DRC12: variants seen among roughly 807,000 people sequenced by gnomAD.
The protein encoded by DRC12 is dynein regulatory complex protein 12.
At chr11:119,194,970 C>T in the DRC12 span, 9 of 1,551,412 alleles carry the variant, frequency 5.8e-6, no homozygotes, top group Middle Eastern at 1.7e-4. Context: ...CAGCCTGTGC[C>T]TGGACTCGGC....
At chr11:119,193,573 GC>G in the DRC12 span, 1 of 1,433,510 alleles carries the variant, frequency 7.0e-7, no homozygotes. Flanking sequence ...GAAGGCCCCT[GC>G]CTGGGATCCC....
chr11:119,190,708 A>G, the DRC12 span: 4 of 1,612,892 alleles, frequency 2.5e-6, no homozygotes, highest in Middle Eastern at 1.6e-4. This position sits in a 1 kb window ranked among gnomAD's most constrained non-coding sequence, Gnocchi z 4.2. Flanking sequence ...GGTGGTGCTT[A>G]CGTGTAAGAT....
chr11:119,195,469 C>G, the DRC12 span: 12 of 1,551,420 alleles, frequency 7.7e-6, no homozygotes, highest in Admixed American at 3.9e-5. Context: ...TTCCCTTTTT[C>G]TTTGTTTTTA....
chr11:119,195,212 G>A, the DRC12 span: 16 of 630,644 alleles, frequency 2.5e-5, no homozygotes, highest in East Asian at 1.6e-4. Flanking sequence ...TATTAGGAAG[G>A]CACAGAGCTA....
the DRC12 span, chr11:119,195,519 T>G: frequency 6.6e-7 from 1 of 1,515,884 alleles, no homozygotes; most frequent in East Asian, 2.5e-5. Flanking sequence ...GGAGGGGACC[T>G]TATGTTTAGG....
chr11:119,194,313 G>A, the DRC12 span, among the ~76,000 whole-genome samples: 1 of 151,870 alleles, frequency 6.6e-6, no homozygotes. Context: ...AAGAGTTCGA[G>A]ACCAGCCTGG....
At chr11:119,195,076 C>T in the DRC12 span, 16 of 1,208,240 alleles carry the variant, frequency 1.3e-5, no homozygotes, top group East Asian at 2.6e-5. Context: ...CCACACCCTG[C>T]ACTTTTGCCA....
At chr11:119,190,632 C>A in the DRC12 span, 22 of 1,572,452 alleles carry the variant, frequency 1.4e-5, no homozygotes, top group South Asian at 2.4e-5. The surrounding 1 kb of genome is among the most constrained non-coding windows in gnomAD (Gnocchi z 4.2). Flanking sequence ...GGTTGTCAGT[C>A]ATCATACGAG....
At chr11:119,194,690 G>C in the DRC12 span, among the ~76,000 whole-genome samples, 1 of 151,532 alleles carries the variant, frequency 6.6e-6, no homozygotes, top group African/African-American at 2.4e-5. Context: ...CCGGGCAATA[G>C]AGCAAAATTC....
the DRC12 span, chr11:119,193,286 T>C: frequency 1.2e-5 from 18 of 1,512,100 alleles, no homozygotes; most frequent in East Asian, 4.1e-4. Context: ...AGGTTGGAGA[T>C]GGAGGGATGG....
the DRC12 span, chr11:119,195,284 G>C: frequency 1.3e-6 from 1 of 765,392 alleles, no homozygotes; most frequent in Non-Finnish European, 2.1e-6. Flanking sequence ...CCTGGATCTG[G>C]CTGTGAGGAC....
At chr11:119,193,702 G>T in the DRC12 span, 1 of 1,539,438 alleles carries the variant, frequency 6.5e-7, no homozygotes, top group South Asian at 1.2e-5. Context: ...TGCATCAACT[G>T]ACCCTGTTGG....
chr11:119,193,470 A>T, the DRC12 span: 1 of 1,082,300 alleles, frequency 9.2e-7, no homozygotes, highest in Non-Finnish European at 1.3e-6. Context: ...TGGGGATGCT[A>T]GCCCTTCTCC....
chr11:119,193,686 C>G, the DRC12 span: 8 of 1,526,010 alleles, frequency 5.2e-6, no homozygotes, highest in African/African-American at 9.6e-5. Context: ...CCTTGTTTCC[C>G]TTCCTTGCAT....
the DRC12 span, chr11:119,190,553 C>T: frequency 1.2e-5 from 19 of 1,558,910 alleles, no homozygotes; most frequent in Middle Eastern, 1.7e-4. The surrounding 1 kb of genome is among the most constrained non-coding windows in gnomAD (Gnocchi z 4.2). Flanking sequence ...TAGACATGGT[C>T]GTATCCCCTC....
At chr11:119,192,477 T>C in the DRC12 span, among the ~76,000 whole-genome samples, 1 of 152,210 alleles carries the variant, frequency 6.6e-6, no homozygotes, top group Admixed American at 6.5e-5. Context: ...AGATGCTAGG[T>C]CTTGAAGATA....
the DRC12 span, among the ~76,000 whole-genome samples, chr11:119,191,977 CT>C: frequency 0.55 from 75,568 of 137,212 alleles, 20,658 homozygotes; most frequent in East Asian, 0.85. Context: ...AACCGAAGGC[CT>C]TTTTTTTTTT....
the DRC12 span, chr11:119,193,074 C>A: frequency 7.8e-7 from 1 of 1,276,962 alleles, no homozygotes; most frequent in Non-Finnish European, 1.1e-6. Flanking sequence ...GGAGCAGAGA[C>A]TTTGAAGTCT....
chr11:119,192,461 T>C, the DRC12 span, among the ~76,000 whole-genome samples: 7 of 152,202 alleles, frequency 4.6e-5, no homozygotes, highest in African/African-American at 1.7e-4. Context: ...TTATTTAGGA[T>C]CTACCAGATG....
Sources: gnomAD v4.1 joint callset for allele counts (sites outside exome capture counted in the v4.1 genomes callset) on GRCh38, gnomAD v4.1.1 for gene constraint, Gnocchi (gnomAD v3.1) non-coding constraint, MANE v1.5 for transcripts, NCBI Gene and HGNC (gene_info 2026-07-23, HGNC 2026-07-21) for gene names.